GALNT11: variants seen among roughly 807,000 people sequenced by gnomAD.
The protein encoded by GALNT11 is polypeptide N-acetylgalactosaminyltransferase 11.
A neutral mutation model predicts 72.7 loss-of-function variants in GALNT11; 47 were observed. The observed-to-expected ratio is 0.65, with a 90% CI of 0.51 to 0.82. The LOEUF is 0.82. Among genes scored for constraint, GALNT11 ranks in the 40% least tolerant of loss-of-function variants. The pLI, the probability that GALNT11 is intolerant of heterozygous loss-of-function variation, is 0.00. For missense variants in GALNT11, 677 were observed against 778.4 expected, an observed-to-expected ratio of 0.87 and a Z score of 1.55; for synonymous variants, 270 against 286.6, an observed-to-expected ratio of 0.94 and a Z score of 0.58.
In GALNT11 at chr7:152,105,330, G is replaced by A; in HGVS notation, c.672G>A (p.Gly224=). 6.2e-7 allele frequency: 1 copy of A among 1,614,058 alleles called. No individual in the cohort carries two copies. The highest frequency in any genetic ancestry group is 1.1e-5 in the South Asian group (1 of 91,026). ...TCATAAGAAATACAAAGCGTGAGGGGTTGATTCGAGGGAGAATGATTGGCG... is the reference window on the plus strand; with the variant it reads ...TCATAAGAAATACAAAGCGTGAGGGATTGATTCGAGGGAGAATGATTGGCG... ...IKVIRNTKRE[G]LIRGRMIGAA... The change falls in exon 5 of 12, where the codon GGG becomes GGA. Residue 224 remains glycine (G), a synonymous_variant. Coordinates refer to ENST00000430044, the MANE Select transcript of GALNT11 (RefSeq NM_022087.4).
At chr7:152,121,440 A>AC in intron 11 of GALNT11, 106 bp from the exon 12 acceptor site, 3 of 1,340,020 alleles carry the variant, frequency 2.2e-6, no homozygotes, top group South Asian at 1.5e-5. Flanking sequence ...CTAAGAGGGG[A>AC]CTATTGTATC....
chr7:152,121,090 TC>T (rs1293773743), intron 11 of GALNT11, 122 bp downstream of exon 11: 15 of 1,197,726 alleles, frequency 1.3e-5, no homozygotes, highest in Admixed American at 2.8e-5. Context: ...AGTACAGTGG[TC>T]CCCCCAGAAA....
intron 1 of GALNT11, among the ~76,000 whole-genome samples, chr7:152,068,347 T>C (rs894786905): frequency 6.6e-6 from 1 of 152,232 alleles, no homozygotes; most frequent in African/African-American, 2.4e-5. Context: ...TTTGTGTAGT[T>C]TGATAGTTCT....
chr7:152,107,453 G>C (rs1365350972), intron 5 of GALNT11: 1 of 152,114 alleles, frequency 6.6e-6, no homozygotes. Flanking sequence ...GCGTCCCCGA[G>C]AGCGCCACCA....
intron 1 of GALNT11, among the ~76,000 whole-genome samples, chr7:152,089,904 A>G (rs1479230307): frequency 6.6e-6 from 1 of 152,228 alleles, no homozygotes; most frequent in Non-Finnish European, 1.5e-5. Context: ...AGGTTCTACA[A>G]TAATGATGTT....
intron 6 of GALNT11, among the ~76,000 whole-genome samples, chr7:152,109,194 T>G (rs750206437): frequency 2.6e-5 from 4 of 152,288 alleles, no homozygotes; most frequent in African/African-American, 9.6e-5. Flanking sequence ...GTTCTTTTAG[T>G]TGGACATCCT....
chr7:152,080,156 G>C (rs529749715), intron 1 of GALNT11, among the ~76,000 whole-genome samples: 2 of 152,268 alleles, frequency 1.3e-5, no homozygotes, highest in African/African-American at 4.8e-5. Context: ...CATTTGTTCA[G>C]TACTCAAATT....
At chr7:152,112,898 A>C (rs2088398929) in intron 7 of GALNT11, among the ~76,000 whole-genome samples, 1 of 152,164 alleles carries the variant, frequency 6.6e-6, no homozygotes, top group Non-Finnish European at 1.5e-5. Flanking sequence ...GAAAATAAAT[A>C]AATAAATAAA....
chr7:152,106,307 C>A (rs2087544973), intron 5 of GALNT11, among the ~76,000 whole-genome samples: 1 of 152,248 alleles, frequency 6.6e-6, no homozygotes, highest in Non-Finnish European at 1.5e-5. Flanking sequence ...TAACCTGCCT[C>A]TGGGTTTGTG....
Position 152,110,553 on chromosome 7 carries a change from T to C in GALNT11, c.988T>C (p.Phe330Leu). 6.2e-7 allele frequency: 1 copy of C among 1,613,478 alleles called. No individual in the cohort carries two copies. Among genetic ancestry groups the C allele is most frequent in the Non-Finnish European group, 8.5e-7 (1 of 1,179,874 alleles). The change falls in exon 7 of 12, where the codon TTT becomes CTT. Residue 330 changes from phenylalanine (F) to leucine (L), a missense_variant. Phe to Leu is a conservative substitution (Grantham distance 22). Coordinates refer to ENST00000430044, the MANE Select transcript of GALNT11 (RefSeq NM_022087.4). ...IKSPTMAGGL[F>L]AMNRQYFHEL... is the part of the protein sequence containing the mutation. ...GTCACCAACAATGGCTGGAGGTTTG[T>C]TTGCCATGAACAGACAGTATTTCCA...
Position 152,029,011 on chromosome 7 carries a change from G to A in GALNT11, c.-39+3127G>A, listed in dbSNP as rs181137383. Among the ~76,000 whole-genome samples, 17 of 152,342 alleles carry A rather than the reference G, an allele frequency of 1.1e-4. No homozygotes were observed. The East Asian group carries it at 2.9e-3, about 26-fold the overall frequency. Reference sequence around the variant, plus strand: ...GCCACAGGACCTAGAAAGGGGAGAAGCCATGTTGTCCAACTCCAGAGGTTG... The same window carrying A: ...GCCACAGGACCTAGAAAGGGGAGAAACCATGTTGTCCAACTCCAGAGGTTG... On this transcript the variant is annotated intron_variant, in intron 1 of 11. Transcript: ENST00000430044.
intron 6 of GALNT11, 80 bp downstream of exon 6, chr7:152,108,367 C>G (rs993266562): frequency 3.7e-5 from 56 of 1,521,664 alleles, no homozygotes; most frequent in Non-Finnish European, 4.8e-5. Context: ...GATAATTCCT[C>G]CTTCTTTGTA....
At chr7:152,032,613 C>T (rs2082358418) in intron 1 of GALNT11, among the ~76,000 whole-genome samples, 1 of 152,138 alleles carries the variant, frequency 6.6e-6, no homozygotes, top group Non-Finnish European at 1.5e-5. Flanking sequence ...TTATGAGCTT[C>T]AGGCCTTAAG....
intron 8 of GALNT11, chr7:152,116,918 C>T (rs986042449): frequency 1.9e-5 from 12 of 646,942 alleles, no homozygotes; most frequent in African/African-American, 3.6e-5. Context: ...AGCCCACACA[C>T]GCAGACCCTC....
intron 6 of GALNT11, among the ~76,000 whole-genome samples, chr7:152,110,077 C>T (rs1171151878): frequency 6.6e-6 from 1 of 152,190 alleles, no homozygotes; most frequent in East Asian, 1.9e-4. Context: ...TAAAAATGCT[C>T]CCAACATTAT....
intron 1 of GALNT11, among the ~76,000 whole-genome samples, chr7:152,067,844 A>T (rs1020648298): frequency 6.6e-6 from 1 of 152,170 alleles, no homozygotes; most frequent in African/African-American, 2.4e-5. Flanking sequence ...TACGGGAAGC[A>T]TGGTGCTGGC....
At chr7:152,041,778 A>G (rs942287852) in intron 1 of GALNT11, among the ~76,000 whole-genome samples, 8 of 152,242 alleles carry the variant, frequency 5.3e-5, no homozygotes, top group Non-Finnish European at 5.9e-5. Context: ...GTCATATCCA[A>G]TTAATGTCCC....
intron 1 of GALNT11, among the ~76,000 whole-genome samples, chr7:152,035,044 G>T (rs1418374021): frequency 2.0e-5 from 3 of 152,282 alleles, no homozygotes; most frequent in East Asian, 3.9e-4. Flanking sequence ...AGGGAGGGGA[G>T]GGATCTCCAG....
At chr7:152,028,910 C>G (rs992918402) in intron 1 of GALNT11, among the ~76,000 whole-genome samples, 2 of 152,136 alleles carry the variant, frequency 1.3e-5, no homozygotes, top group Non-Finnish European at 2.9e-5. Flanking sequence ...GCTTGATGGT[C>G]TCAATTCTAG....
Sources: allele counts gnomAD v4.1 joint callset (sites outside exome capture counted in the v4.1 genomes callset), GRCh38; gene constraint gnomAD v4.1.1; transcripts MANE v1.5; gene names NCBI Gene and HGNC (gene_info 2026-07-23, HGNC 2026-07-21).